The following SLC8A1 variants were observed in gnomAD, a reference collection of about 807,000 sequenced individuals.
SLC8A1 encodes sodium/calcium exchanger 1.
In SLC8A1, 18 loss-of-function variants were observed where a neutral mutation model predicts 68.3. The ratio of observed to expected loss-of-function variants is 0.26; its 90% CI spans 0.18 to 0.39. SLC8A1 has a LOEUF of 0.39. Ranked by LOEUF, SLC8A1 falls within the 10% of genes least tolerant of loss-of-function variation. The pLI, the probability that SLC8A1 is intolerant of heterozygous loss-of-function variation, is 1.00. For missense variants in SLC8A1, 985 were observed against 1,156.7 expected, an observed-to-expected ratio of 0.85 and a Z score of 2.15; for synonymous variants, 475 against 415.5, an observed-to-expected ratio of 1.14 and a Z score of -1.74.
At chr2:40,369,513 C>A (rs535089677) in intron 2 of SLC8A1, among the ~76,000 whole-genome samples, 253 of 152,204 alleles carry the variant, frequency 1.7e-3, no homozygotes, top group Non-Finnish European at 3.2e-3. Context: ...AGAGTTCTGT[C>A]TGTTTTTCAT....
intron 2 of SLC8A1, among the ~76,000 whole-genome samples, chr2:40,258,202 C>A (rs1358906760): frequency 2.0e-5 from 3 of 152,158 alleles, no homozygotes; most frequent in Non-Finnish European, 4.4e-5. Flanking sequence ...TCCCTGACTG[C>A]CTACAGACTG....
intron 2 of SLC8A1, among the ~76,000 whole-genome samples, chr2:40,388,305 G>A (rs1329881965): frequency 8.5e-5 from 13 of 152,100 alleles, no homozygotes; most frequent in Non-Finnish European, 4.4e-5. Flanking sequence ...GTGTGTCCCC[G>A]TGAAACATAA....
chr2:40,180,270 A>G (rs922324051), intron 2 of SLC8A1, among the ~76,000 whole-genome samples: 8 of 152,192 alleles, frequency 5.3e-5, no homozygotes, highest in African/African-American at 1.9e-4. Flanking sequence ...CTAAACTAGA[A>G]TATTTAATTT....
chr2:40,234,679 G>C (rs2060132443), intron 2 of SLC8A1, among the ~76,000 whole-genome samples: 1 of 152,172 alleles, frequency 6.6e-6, no homozygotes, highest in African/African-American at 2.4e-5. Flanking sequence ...TCTTGTGCCA[G>C]TTTTCAAAGG....
chr2:40,310,203 G>A (rs1028082873), intron 2 of SLC8A1, among the ~76,000 whole-genome samples: 1 of 152,206 alleles, frequency 6.6e-6, no homozygotes, highest in African/African-American at 2.4e-5. Context: ...TCTTCCAGAT[G>A]TATGGAGTTG....
At chr2:40,383,979 G>A (rs1405779031) in intron 2 of SLC8A1, among the ~76,000 whole-genome samples, 2 of 152,020 alleles carry the variant, frequency 1.3e-5, no homozygotes, top group Non-Finnish European at 2.9e-5. Flanking sequence ...GGTAAGCACT[G>A]GCCAGGTGCA....
chr2:40,373,708 C>T (rs1678894871), intron 2 of SLC8A1, among the ~76,000 whole-genome samples: 1 of 152,080 alleles, frequency 6.6e-6, no homozygotes, highest in African/African-American at 2.4e-5. Flanking sequence ...CTCAGAATTC[C>T]CACTTTTTCC....
intron 2 of SLC8A1, among the ~76,000 whole-genome samples, chr2:40,412,757 T>C (rs962275235): frequency 2.6e-5 from 4 of 152,224 alleles, no homozygotes; most frequent in African/African-American, 7.2e-5. Flanking sequence ...TAGAGTATTA[T>C]CATGATAAGC....
chr2:40,340,132 T>C (rs1667219668), intron 2 of SLC8A1, among the ~76,000 whole-genome samples: 1 of 152,240 alleles, frequency 6.6e-6, no homozygotes, highest in South Asian at 2.1e-4. Flanking sequence ...AGTCAAGATA[T>C]ATTGCATGCT....
At chr2:40,290,941 G>A (rs949212543) in intron 2 of SLC8A1, among the ~76,000 whole-genome samples, 2 of 152,238 alleles carry the variant, frequency 1.3e-5, no homozygotes, top group East Asian at 3.9e-4. Flanking sequence ...TTGATGAAAA[G>A]GTTTATGCCT....
At chr2:40,451,084 G>C (rs568008352) in intron 1 of SLC8A1, among the ~76,000 whole-genome samples, 2 of 152,214 alleles carry the variant, frequency 1.3e-5, no homozygotes, top group Non-Finnish European at 1.5e-5. Flanking sequence ...TCTTTGGCCG[G>C]CTGTCCAGCT....
In SLC8A1 at chr2:40,345,462, C is replaced by CA. The variant is rs568960610; in HGVS notation, c.1808+83010dup. Among the ~76,000 whole-genome samples the CA allele has an allele frequency of 1.5e-3, 227 of 151,590 alleles. 1 individual carries two copies. The highest frequency in any genetic ancestry group is 4.9e-3 in the African/African-American group (203 of 41,324). ...ACAAAGCTCAAGAAGATTGTCAGAA[C>CA]AAAAAAAATCATACCATTAAGAACA... is the stretch of plus-strand genomic sequence containing the variant. On this transcript the variant is annotated intron_variant, in intron 2 of 7. Coordinates refer to ENST00000406785, the Ensembl canonical transcript of SLC8A1.
intron 2 of SLC8A1, among the ~76,000 whole-genome samples, chr2:40,186,120 A>T (rs1267043285): frequency 6.6e-6 from 1 of 152,174 alleles, no homozygotes; most frequent in African/African-American, 2.4e-5. Context: ...CCCAAAATAT[A>T]AGGTATTATG....
intron 2 of SLC8A1, among the ~76,000 whole-genome samples, chr2:40,202,638 A>C (rs2054606765): frequency 1.3e-5 from 2 of 152,032 alleles, no homozygotes; most frequent in African/African-American, 2.4e-5. Context: ...ATATGCAGAA[A>C]TCACCAAGGG....
chr2:40,136,363 T>G (rs2040497492), intron 7 of SLC8A1, among the ~76,000 whole-genome samples: 1 of 152,236 alleles, frequency 6.6e-6, no homozygotes, highest in Admixed American at 6.5e-5. Flanking sequence ...CTTGAAAATG[T>G]ATAAGCTTTT....
At chr2:40,385,920 G>T (rs1028759247) in intron 2 of SLC8A1, among the ~76,000 whole-genome samples, 1 of 151,162 alleles carries the variant, frequency 6.6e-6, no homozygotes, top group Non-Finnish European at 1.5e-5. Context: ...CCACTACAAA[G>T]ATTTGAGAGG....
At chr2:40,238,435 A>G (rs141909394) in intron 2 of SLC8A1, among the ~76,000 whole-genome samples, 25 of 8,644 alleles carry the variant, frequency 2.9e-3, no homozygotes, top group Middle Eastern at 0.038. Context: ...GCACTTCCCA[A>G]GTGAGGCAAT....
At chr2:40,299,050 T>C (rs1015658717) in intron 2 of SLC8A1, among the ~76,000 whole-genome samples, 7 of 151,732 alleles carry the variant, frequency 4.6e-5, no homozygotes, top group African/African-American at 1.2e-4. Context: ...AAAAACACAA[T>C]GTTCCAGGCT....
chr2:40,099,744 G>C (rs1399031764), exon 8 of SLC8A1: 3 of 151,976 alleles, frequency 2.0e-5, no homozygotes, highest in African/African-American at 7.2e-5. Context: ...CTCGGTATGA[G>C]TTCAGTTTAC....
Sources: allele counts gnomAD v4.1 joint callset (sites outside exome capture counted in the v4.1 genomes callset), GRCh38; gene constraint gnomAD v4.1.1; transcripts MANE v1.5; gene names NCBI Gene and HGNC (gene_info 2026-07-23, HGNC 2026-07-21).